The following CDH12 variants were observed in gnomAD, a reference collection of about 807,000 sequenced individuals.
The protein encoded by CDH12 is cadherin 12, also known as cadherin-12.
A neutral mutation model predicts 74.1 loss-of-function variants in CDH12; 41 were observed. That is an observed-to-expected ratio of 0.55 (90% confidence interval 0.43 to 0.72). The LOEUF (loss-of-function observed/expected upper bound fraction) is 0.72, where lower values mean the gene tolerates loss of function less well. CDH12 is among the 30% of genes least tolerant of loss of function. The probability of loss-of-function intolerance (pLI) is 0.00; values close to 1 mark genes in which losing one functional copy is unlikely to be tolerated. For missense variants in CDH12, 945 were observed against 977.2 expected (o/e 0.97, Z 0.44); for synonymous variants, 399 against 355.0 (o/e 1.12, Z -1.39).
chr5:22,040,351 T>A (rs1739490026), intron 5 of CDH12, among the ~76,000 whole-genome samples: 1 of 152,120 alleles, frequency 6.6e-6, no homozygotes, highest in Non-Finnish European at 1.5e-5. Flanking sequence ...TATAGGATTT[T>A]GAGAAGTTGA....
intron 4 of CDH12, among the ~76,000 whole-genome samples, chr5:22,110,550 C>T (rs1744749021): frequency 6.6e-6 from 1 of 151,408 alleles, no homozygotes. Context: ...GGGAAATGGT[C>T]CTCCTGTGCT....
At chr5:21,900,470 G>A (rs1290088168) in intron 6 of CDH12, among the ~76,000 whole-genome samples, 2 of 151,988 alleles carry the variant, frequency 1.3e-5, no homozygotes, top group African/African-American at 4.8e-5. Flanking sequence ...CTTATATCAT[G>A]TTATATTAGC....
In CDH12 at chr5:21,755,806, T is replaced by C; in HGVS notation, c.1670A>G (p.Tyr557Cys). 1 of 1,614,088 alleles carries C rather than the reference T, an allele frequency of 6.2e-7. No individual in the cohort carries two copies. The highest frequency in any genetic ancestry group is 8.5e-7 in the Non-Finnish European group (1 of 1,179,948). ...TAGIETRRNG[Y>C]SRRQQELYFL... ...ATACAACTCTTGCTGCCTGCGGCTG[T>C]ATCCATTTCTTCGGGTTTCAATCCC... Residue 557 changes from tyrosine to cysteine, a missense_variant, in exon 14 of 15, where the codon TAC becomes TGC. Tyr to Cys is a radical substitution (Grantham distance 194). Transcript: ENST00000382254.
intron 5 of CDH12, among the ~76,000 whole-genome samples, chr5:22,030,628 T>G (rs924660295): frequency 6.6e-6 from 1 of 152,130 alleles, no homozygotes; most frequent in East Asian, 1.9e-4. Flanking sequence ...GAAAGGAAAA[T>G]GTGCATTGGC....
chr5:22,827,319 A>G (rs1248572837), intron 1 of CDH12, among the ~76,000 whole-genome samples: 2 of 152,258 alleles, frequency 1.3e-5, no homozygotes, highest in Non-Finnish European at 2.9e-5. Context: ...ATGCCCAGGC[A>G]TAATAGTACA....
intron 2 of CDH12, among the ~76,000 whole-genome samples, chr5:22,425,172 A>ATATATATATATAT (rs1554039892): frequency 4.8e-5 from 4 of 83,452 alleles, no homozygotes; most frequent in Admixed American, 1.2e-4. Context: ...TATATATATA[A>ATATATATATATAT]ATATATATAT....
chr5:22,572,510 C>A (rs145246245), intron 1 of CDH12, among the ~76,000 whole-genome samples: 262 of 151,998 alleles, frequency 1.7e-3, no homozygotes, highest in Middle Eastern at 0.014. Context: ...TCTTTTCCCC[C>A]AGGATTAATT....
intron 4 of CDH12, among the ~76,000 whole-genome samples, chr5:22,110,452 T>C (rs1202433387): frequency 6.6e-6 from 1 of 151,846 alleles, no homozygotes; most frequent in Non-Finnish European, 1.5e-5. Context: ...GTTAGAAGTT[T>C]TTCAAAGGTA....
Position 22,359,545 on chromosome 5 carries a change from T to C in CDH12, c.-333+45712A>G, listed in dbSNP as rs1315734174. On this transcript the variant is annotated intron_variant, in intron 3 of 14. Transcript: ENST00000382254. Reference sequence around the variant, plus strand: ...ACGAGACAGAAAGTTAATATGGATATCCAGGAATTGAACTCGGCTCTGCAC... The same window carrying C: ...ACGAGACAGAAAGTTAATATGGATACCCAGGAATTGAACTCGGCTCTGCAC... Among the ~76,000 whole-genome samples the C allele has an allele frequency of 5.3e-5, 8 of 152,144 alleles. No individual in the cohort carries two copies. In the East Asian group the frequency reaches 1.4e-3, roughly 26 times the overall value.
At chr5:22,408,890 A>T (rs900428871) in intron 2 of CDH12, among the ~76,000 whole-genome samples, 2 of 151,900 alleles carry the variant, frequency 1.3e-5, no homozygotes, top group African/African-American at 2.4e-5. Context: ...AATTAAGTGA[A>T]TTTTTTGCAG....
chr5:21,953,346 T>C (rs1010828514), intron 6 of CDH12, among the ~76,000 whole-genome samples: 3 of 152,210 alleles, frequency 2.0e-5, no homozygotes, highest in African/African-American at 4.8e-5. Flanking sequence ...ATTGGTTGTC[T>C]CCTTGGAATG....
intron 4 of CDH12, among the ~76,000 whole-genome samples, chr5:22,205,560 A>C (rs992378615): frequency 4.6e-5 from 7 of 152,164 alleles, no homozygotes; most frequent in Admixed American, 1.3e-4. Flanking sequence ...GATTTTAGCA[A>C]TAAGAAAGAA....
chr5:21,940,147 A>G (rs1350465518), intron 6 of CDH12, among the ~76,000 whole-genome samples: 1 of 152,136 alleles, frequency 6.6e-6, no homozygotes, highest in Non-Finnish European at 1.5e-5. Context: ...AAATCACTTG[A>G]GCCCAGGAGG....
intron 11 of CDH12, among the ~76,000 whole-genome samples, chr5:21,781,960 G>C (rs1237063307): frequency 6.6e-6 from 1 of 152,142 alleles, no homozygotes; most frequent in Non-Finnish European, 1.5e-5. Context: ...TTGTAAAATT[G>C]TGACAAATAA....
chr5:22,063,638 A>C (rs181748253), intron 5 of CDH12, among the ~76,000 whole-genome samples: 1 of 151,698 alleles, frequency 6.6e-6, no homozygotes, highest in Admixed American at 6.6e-5. Flanking sequence ...AGTTAATTTT[A>C]TGTGTCAGTT....
chr5:21,839,916 C>T (rs1163356565), intron 8 of CDH12, among the ~76,000 whole-genome samples: 2 of 152,184 alleles, frequency 1.3e-5, no homozygotes, highest in African/African-American at 4.8e-5. Flanking sequence ...AGATGTAATA[C>T]TGCAACAGAA....
intron 6 of CDH12, among the ~76,000 whole-genome samples, chr5:21,940,644 T>C (rs1755287320): frequency 6.6e-6 from 1 of 152,218 alleles, no homozygotes; most frequent in Non-Finnish European, 1.5e-5. Context: ...CAGAAAGTGG[T>C]GTAAATCTGA....
At chr5:21,861,884 T>G (rs1751064117) in intron 6 of CDH12, among the ~76,000 whole-genome samples, 1 of 131,340 alleles carries the variant, frequency 7.6e-6, no homozygotes, top group African/African-American at 2.8e-5. Context: ...CAGCATGTAG[T>G]TTTTGGTCAT....
Position 22,672,193 on chromosome 5 carries a change from C to A in CDH12, c.-522-166829G>T, listed in dbSNP as rs72746691. ...TATAGGATATTTATATAGGAAGTGC[C>A]ATCTCTTTGTCTCCCAACAAACAAA... On this transcript the variant is annotated intron_variant, in intron 1 of 14. Transcript: ENST00000382254. Among the ~76,000 whole-genome samples the A allele has an allele frequency of 5.3e-3, 742 of 141,224 alleles. 4 individuals carry two copies. The highest frequency in any genetic ancestry group is 9.1e-3 in the Non-Finnish European group (595 of 65,180). 92.6% of individuals were successfully genotyped at this position (141,224 alleles called of 152,430 possible).
Sources: gnomAD v4.1 joint callset for allele counts (sites outside exome capture counted in the v4.1 genomes callset) on GRCh38, gnomAD v4.1.1 for gene constraint, MANE v1.5 for transcripts, NCBI Gene and HGNC (gene_info 2026-07-23, HGNC 2026-07-21) for gene names.